MYO16: variants seen among roughly 807,000 people sequenced by gnomAD.
MYO16 encodes the protein myosin XVI, also known as unconventional myosin-XVI.
Under a neutral mutation model 205.3 loss-of-function variants are expected in MYO16, and 94 were observed. The ratio of observed to expected loss-of-function variants is 0.46; its 90% CI spans 0.39 to 0.54. The LOEUF is 0.54. Among genes scored for constraint, MYO16 ranks in the 20% least tolerant of loss-of-function variants. The probability of loss-of-function intolerance (pLI) is 0.00; values close to 1 mark genes in which losing one functional copy is unlikely to be tolerated. For missense variants in MYO16, 2,315 were observed against 2,387.5 expected, an observed-to-expected ratio of 0.97 and a Z score of 0.63; for synonymous variants, 988 against 954.0, an observed-to-expected ratio of 1.04 and a Z score of -0.66.
chr13:109,031,902 A>C (rs1425802581), intron 23 of MYO16, among the ~76,000 whole-genome samples: 2 of 152,148 alleles, frequency 1.3e-5, no homozygotes, highest in Non-Finnish European at 2.9e-5. Context: ...GATTTAATGG[A>C]AAGTGAAGTC....
At chr13:108,772,864 A>G (rs887745654) in intron 4 of MYO16, among the ~76,000 whole-genome samples, 2 of 152,178 alleles carry the variant, frequency 1.3e-5, no homozygotes, top group African/African-American at 4.8e-5. Flanking sequence ...GAGCATGAAC[A>G]AAAATAGGGG....
At chr13:108,783,526 G>A (rs1014538557) in intron 4 of MYO16, among the ~76,000 whole-genome samples, 1 of 152,164 alleles carries the variant, frequency 6.6e-6, no homozygotes, top group Admixed American at 6.5e-5. Flanking sequence ...TTGGGGGACT[G>A]TTGAGAAGGC....
At chr13:108,893,199 G>A (rs1038749822) in intron 14 of MYO16, among the ~76,000 whole-genome samples, 4 of 152,074 alleles carry the variant, frequency 2.6e-5, no homozygotes, top group Admixed American at 6.5e-5. Context: ...TAAATCATCC[G>A]AGTATATGTA....
At chr13:108,751,758 C>T (rs573225782) in intron 4 of MYO16, among the ~76,000 whole-genome samples, 2 of 152,270 alleles carry the variant, frequency 1.3e-5, no homozygotes, top group East Asian at 3.9e-4. Context: ...CAAAATCACA[C>T]AGGCACAGTC....
intron 15 of MYO16, among the ~76,000 whole-genome samples, chr13:108,904,458 G>T (rs1880863612): frequency 1.3e-5 from 2 of 152,074 alleles, no homozygotes; most frequent in South Asian, 4.1e-4. Context: ...CTAATACATT[G>T]CCTGAATCCC....
intron 4 of MYO16, 54 bp from the exon 5 acceptor site, chr13:108,785,581 C>G: frequency 9.2e-7 from 1 of 1,084,892 alleles, no homozygotes; most frequent in Non-Finnish European, 1.3e-6. Context: ...AACTCCTAAT[C>G]TGCTTTTAAT....
At chr13:108,621,822 C>T (rs973331414) in intron 1 of MYO16, among the ~76,000 whole-genome samples, 1 of 152,124 alleles carries the variant, frequency 6.6e-6, no homozygotes. Flanking sequence ...GAGAGAGAGA[C>T]AATGAGAGAC....
At chr13:108,972,804 G>T (rs943953572) in intron 20 of MYO16, among the ~76,000 whole-genome samples, 4 of 151,792 alleles carry the variant, frequency 2.6e-5, no homozygotes, top group African/African-American at 9.7e-5. Flanking sequence ...GGTCCACATG[G>T]GTTAGAAACA....
At chr13:108,964,572 A>T (rs950491502) in intron 19 of MYO16, among the ~76,000 whole-genome samples, 189 bp from the exon 20 acceptor site, 1 of 152,202 alleles carries the variant, frequency 6.6e-6, no homozygotes, top group African/African-American at 2.4e-5. Flanking sequence ...TGCAATGTAC[A>T]TGACTTCTGC....
intron 21 of MYO16, among the ~76,000 whole-genome samples, chr13:108,998,703 C>T (rs766872955): frequency 5.9e-5 from 9 of 152,126 alleles, no homozygotes; most frequent in Non-Finnish European, 7.3e-5. Context: ...ACTGGAGTGT[C>T]GGAGGCCAAT....
chr13:109,036,432 A>G (rs1292691877), intron 23 of MYO16, among the ~76,000 whole-genome samples: 2 of 152,000 alleles, frequency 1.3e-5, no homozygotes, highest in Admixed American at 6.6e-5. Context: ...CTTTTTTCAT[A>G]TATAGATGAC....
chr13:108,894,663 A>G (rs186483849), intron 14 of MYO16, among the ~76,000 whole-genome samples: 27 of 152,316 alleles, frequency 1.8e-4, no homozygotes, highest in Non-Finnish European at 3.7e-4. Flanking sequence ...TCTTTCTGTC[A>G]GTCTTACACC....
At chr13:108,654,713 G>A (rs1350387222) in intron 1 of MYO16, among the ~76,000 whole-genome samples, 1 of 152,174 alleles carries the variant, frequency 6.6e-6, no homozygotes, top group Non-Finnish European at 1.5e-5. Flanking sequence ...GAATGGCTTT[G>A]ACAAAAATGC....
chr13:108,881,261 G>C (rs1280408052), intron 12 of MYO16, among the ~76,000 whole-genome samples: 1 of 152,108 alleles, frequency 6.6e-6, no homozygotes, highest in African/African-American at 2.4e-5. Context: ...AAACAGAAAG[G>C]ACATCCACAC....
At position 108,866,172 on chromosome 13, in the gene MYO16, C is replaced by A; in HGVS notation, c.1360-5C>A. The stretch of plus-strand genomic sequence containing the variant: ...CATGAACTGTTTGCATCCCTTTTTT[C>A]ACAGACATTCATTGGAGACATTCTT... On this transcript the variant is annotated splice_polypyrimidine_tract_variant and splice_region_variant and intron_variant, in intron 11 of 34. Transcript: ENST00000457511. The A allele has an allele frequency of 6.3e-7, 1 of 1,593,108 alleles. No individual in the cohort carries two copies. The highest frequency in any genetic ancestry group is 1.1e-5 in the South Asian group (1 of 87,706).
chr13:108,571,370 G>A, the MYO16 span, among the ~76,000 whole-genome samples: 1 of 151,882 alleles, frequency 6.6e-6, no homozygotes, highest in Non-Finnish European at 1.5e-5. Context: ...AATACAAGTG[G>A]TGCTGAATTT....
At position 108,658,426 on chromosome 13, in the gene MYO16, T is replaced by TTGTGTGTGTG. The variant is rs145187326; in HGVS notation, c.29-7436_29-7427dup. On this transcript the variant is annotated intron_variant, in intron 1 of 34. Coordinates refer to ENST00000457511, the MANE Select transcript of MYO16 (RefSeq NM_001198950.3). ...CTTCCTTCTTTTTTTTGTTTCAACTTTGTGTGTGTGTGTGTGTGTGTGTGT... is the reference window on the plus strand; with the variant it reads ...CTTCCTTCTTTTTTTTGTTTCAACTTTGTGTGTGTGTGTGTGTGTGTGTGTGTGTGTGTGT... Among the ~76,000 whole-genome samples the TTGTGTGTGTG allele has an allele frequency of 4.0e-3, 576 of 145,268 alleles. 5 individuals carry two copies. Among genetic ancestry groups the TTGTGTGTGTG allele is most frequent in the African/African-American group, 0.013 (526 of 39,334 alleles).
chr13:108,982,701 G>T (rs949519167), intron 20 of MYO16, among the ~76,000 whole-genome samples: 1 of 152,076 alleles, frequency 6.6e-6, no homozygotes, highest in African/African-American at 2.4e-5. Context: ...TATGTCTTGT[G>T]AATCTTAATT....
At chr13:108,897,018 T>C (rs533520724) in intron 14 of MYO16, among the ~76,000 whole-genome samples, 26 of 150,798 alleles carry the variant, frequency 1.7e-4, no homozygotes, top group African/African-American at 6.3e-4. Flanking sequence ...AAAAAGTAAA[T>C]TTTTTAAAAA....
Sources: allele counts gnomAD v4.1 joint callset (sites outside exome capture counted in the v4.1 genomes callset), GRCh38; gene constraint gnomAD v4.1.1; transcripts MANE v1.5; gene names NCBI Gene and HGNC (gene_info 2026-07-23, HGNC 2026-07-21).